CADM2: variants seen among roughly 807,000 people sequenced by gnomAD.
CADM2 encodes immunoglobulin superfamily member 4D.
CADM2 carries 12 observed loss-of-function variants against 49.8 expected under a neutral mutation model. The observed-to-expected ratio is 0.24, with a 90% CI of 0.15 to 0.39. The LOEUF is 0.39. Ranked by LOEUF, CADM2 falls within the 10% of genes least tolerant of loss-of-function variation. The probability of loss-of-function intolerance (pLI) is 1.00; values close to 1 mark genes in which losing one functional copy is unlikely to be tolerated. For synonymous variants in CADM2, 214 were observed against 175.4 expected (o/e 1.22, Z -1.74); for missense variants, 378 against 492.3 (o/e 0.77, Z 2.20).
chr3:85,328,207 G>A (rs532199601), intron 1 of CADM2, among the ~76,000 whole-genome samples: 6 of 152,044 alleles, frequency 3.9e-5, no homozygotes, highest in African/African-American at 1.4e-4. Flanking sequence ...TGTCTAACAG[G>A]CTCTGTATAT....
chr3:85,659,659 A>T (rs551441953), intron 1 of CADM2, among the ~76,000 whole-genome samples: 22 of 152,140 alleles, frequency 1.4e-4, no homozygotes, highest in Non-Finnish European at 2.2e-4. Flanking sequence ...TAATTTCAAC[A>T]TGTGGATTAG....
intron 1 of CADM2, among the ~76,000 whole-genome samples, chr3:85,685,618 T>C (rs2066182277): frequency 6.9e-6 from 1 of 145,290 alleles, no homozygotes; most frequent in South Asian, 2.1e-4. Context: ...TTTCTTTCTT[T>C]TTTTTTTTTT....
intron 2 of CADM2, among the ~76,000 whole-genome samples, chr3:85,766,407 C>T (rs1383192013): frequency 2.0e-5 from 3 of 152,152 alleles, no homozygotes; most frequent in African/African-American, 7.2e-5. Context: ...CACCTAAATT[C>T]TAAAACTGTT....
chr3:84,961,326 T>C (rs1331198738), intron 1 of CADM2, among the ~76,000 whole-genome samples: 1 of 152,232 alleles, frequency 6.6e-6, no homozygotes, highest in Non-Finnish European at 1.5e-5. Context: ...CTGAATTAAC[T>C]AACTGACCTT....
intron 2 of CADM2, among the ~76,000 whole-genome samples, chr3:85,796,608 G>A (rs2071638152): frequency 6.6e-6 from 1 of 152,256 alleles, no homozygotes; most frequent in Non-Finnish European, 1.5e-5. Flanking sequence ...GCTTAATTTT[G>A]TAAGGTGATC....
intron 1 of CADM2, among the ~76,000 whole-genome samples, chr3:85,141,835 T>C (rs1196664547): frequency 6.6e-6 from 1 of 152,182 alleles, no homozygotes; most frequent in African/African-American, 2.4e-5. Context: ...GCTTCATTTA[T>C]TAGATGATAA....
chr3:85,229,855 A>G (rs564003566), intron 1 of CADM2, among the ~76,000 whole-genome samples: 28 of 152,254 alleles, frequency 1.8e-4, no homozygotes, highest in African/African-American at 5.8e-4. Context: ...TTTAACATTA[A>G]TGACTACATT....
chr3:85,693,601 A>G (rs529635962), intron 1 of CADM2, among the ~76,000 whole-genome samples: 2 of 147,038 alleles, frequency 1.4e-5, no homozygotes, highest in Non-Finnish European at 3.0e-5. Flanking sequence ...AAAAAATCAG[A>G]AGGAGGCTGG....
intron 2 of CADM2, among the ~76,000 whole-genome samples, chr3:85,760,798 C>T (rs940811067): frequency 6.6e-6 from 1 of 152,088 alleles, no homozygotes; most frequent in African/African-American, 2.4e-5. Context: ...TATTTGTATA[C>T]ATTTCCTTGG....
chr3:85,649,052 T>G (rs2064969781), intron 1 of CADM2, among the ~76,000 whole-genome samples: 1 of 152,094 alleles, frequency 6.6e-6, no homozygotes, highest in Non-Finnish European at 1.5e-5. Context: ...AAATTACTTT[T>G]ATGATATAAC....
Position 85,212,896 on chromosome 3 carries a change from C to CTTTCTTTT in CADM2, c.61+253231_61+253232insCTTTTTTT, listed in dbSNP as rs1559723958. ...TTTCTTTCTTTCTTTCTCTTTCTTT[C>CTTTCTTTT]TTTTAATGGAGTCTCACACTGTCAC... On this transcript the variant is annotated intron_variant, in intron 1 of 9. Coordinates refer to ENST00000383699, the MANE Select transcript of CADM2 (RefSeq NM_001167675.2). 5.8e-4 allele frequency among the ~76,000 whole-genome samples: 68 copies of CTTTCTTTT among 117,972 alleles called. 4 individuals carry two copies. Among genetic ancestry groups the CTTTCTTTT allele is most frequent in the African/African-American group, 2.8e-3 (65 of 23,120 alleles). 77.4% of individuals were successfully genotyped at this position (117,972 alleles called of 152,430 possible). A position where few individuals can be genotyped will look rare whatever the true frequency, so the allele number is the denominator to read the frequency against.
chr3:85,679,923 T>C (rs947866399), intron 1 of CADM2, among the ~76,000 whole-genome samples: 1 of 152,170 alleles, frequency 6.6e-6, no homozygotes, highest in African/African-American at 2.4e-5. Context: ...TTTTGCTATA[T>C]GAAGAATTCA....
At chr3:85,750,768 A>G (rs2068827335) in intron 2 of CADM2, among the ~76,000 whole-genome samples, 2 of 151,618 alleles carry the variant, frequency 1.3e-5, no homozygotes, top group Admixed American at 1.3e-4. Context: ...ATTTTTTTTT[A>G]TTGACTAGTT....
At chr3:85,440,127 T>G (rs1049625431) in intron 1 of CADM2, among the ~76,000 whole-genome samples, 1 of 152,172 alleles carries the variant, frequency 6.6e-6, no homozygotes, top group African/African-American at 2.4e-5. Flanking sequence ...TCCCTCTAAA[T>G]TCATGAGTGG....
chr3:85,751,746 A>G (rs1266100120), intron 2 of CADM2, among the ~76,000 whole-genome samples: 2 of 152,178 alleles, frequency 1.3e-5, no homozygotes, highest in African/African-American at 4.8e-5. Context: ...AAACTCGACA[A>G]CCAACACTTG....
At chr3:85,574,335 G>T (rs2062569118) in intron 1 of CADM2, among the ~76,000 whole-genome samples, 1 of 152,178 alleles carries the variant, frequency 6.6e-6, no homozygotes, top group Non-Finnish European at 1.5e-5. Context: ...TTCTGCTAAG[G>T]TAGCAAAAAA....
intron 4 of CADM2, among the ~76,000 whole-genome samples, chr3:85,883,682 T>A (rs1321149983): frequency 6.6e-6 from 1 of 152,212 alleles, no homozygotes; most frequent in Non-Finnish European, 1.5e-5. Flanking sequence ...CATAGCTATT[T>A]TGTTTCTTAG....
At chr3:85,456,843 T>A (rs2038014284) in intron 1 of CADM2, among the ~76,000 whole-genome samples, 1 of 151,658 alleles carries the variant, frequency 6.6e-6, no homozygotes, top group Non-Finnish European at 1.5e-5. Context: ...CTTTTTTTTT[T>A]TTTCGAAATA....
At chr3:85,379,167 T>A (rs2033758785) in intron 1 of CADM2, among the ~76,000 whole-genome samples, 1 of 151,944 alleles carries the variant, frequency 6.6e-6, no homozygotes, top group Admixed American at 6.6e-5. Flanking sequence ...ATATTACCAT[T>A]GTAAACTCAT....
Sources: allele counts gnomAD v4.1 joint callset (sites outside exome capture counted in the v4.1 genomes callset), GRCh38; gene constraint gnomAD v4.1.1; transcripts MANE v1.5; gene names NCBI Gene and HGNC (gene_info 2026-07-23, HGNC 2026-07-21).